FAM167B: variants seen among roughly 807,000 people sequenced by gnomAD.
FAM167B encodes family with sequence similarity 167 member B.
In FAM167B, 7 loss-of-function variants were observed where a neutral mutation model predicts 15.4. The observed-to-expected ratio is 0.46, with a 90% confidence interval of 0.26 to 0.86. FAM167B has a LOEUF of 0.86. Ranked by LOEUF, FAM167B falls within the 40% of genes least tolerant of loss-of-function variation. FAM167B has a pLI of 0.17. For synonymous variants in FAM167B, 100 were observed against 94.6 expected, an observed-to-expected ratio of 1.06 and a Z score of -0.33; for missense variants, 207 against 208.3, an observed-to-expected ratio of 0.99 and a Z score of 0.04.
In FAM167B at chr1:32,248,475, G is replaced by T; in HGVS notation, c.366G>T (p.Glu122Asp). The T allele has an allele frequency of 6.2e-7, 1 of 1,603,358 alleles. No individual in the cohort carries two copies. The highest frequency in any genetic ancestry group is 2.2e-5 in the East Asian group (1 of 44,478). Residue 122 changes from glutamate to aspartate, a missense_variant, in exon 2 of 2, where the codon GAG becomes GAT. Coordinates refer to ENST00000373582, the MANE Select transcript of FAM167B (RefSeq NM_032648.3). ...KMDQACHLHQ[E>D]LLDEAELELE... ...ACCAAGCCTGTCACCTGCACCAGGA[G>T]CTGCTGGATGAGGCCGAGCTGGAGC...
In FAM167B at chr1:32,248,580, C is replaced by A; in HGVS notation, c.471C>A (p.Ala157=). The A allele has an allele frequency of 6.5e-7, 1 of 1,542,880 alleles. No homozygotes were observed. Among genetic ancestry groups the A allele is most frequent in the South Asian group, 1.2e-5 (1 of 83,962 alleles). ...GCCTCACGCGCATGAACATCAGCGC[C>A]CGGCGCTTCACCCTCTGCTGAGGAA... is the stretch of plus-strand genomic sequence containing the variant. ...HLGLTRMNIS[A]RRFTLC The change falls in exon 2 of 2, where the codon GCC becomes GCA. Residue 157 remains alanine, a synonymous_variant. Transcript: ENST00000373582.
At position 32,247,380 on chromosome 1, in the gene FAM167B, T is replaced by C. The variant is rs1639421062; in HGVS notation, c.-42T>C. Reference sequence around the variant, plus strand: ...CAATACTGCCAGCCTTTCCCTAATCTCAGAGCTGCAGCCCTGCCCTGTCAC... The same window carrying C: ...CAATACTGCCAGCCTTTCCCTAATCCCAGAGCTGCAGCCCTGCCCTGTCAC... On this transcript the variant is annotated 5_prime_UTR_variant, in exon 1 of 2. Transcript: ENST00000373582. The C allele has an allele frequency of 1.4e-6, 2 of 1,467,650 alleles. No individual in the cohort carries two copies. The highest frequency in any genetic ancestry group is 2.5e-5 in the Admixed American group (1 of 40,152). The allele number at this position is 1,467,650 out of a possible 1,614,324, so 90.9% of individuals were successfully genotyped here. A position where few individuals can be genotyped will look rare whatever the true frequency, so the allele number is the denominator to read the frequency against.
chr1:32,247,688 T>C lies in FAM167B; in HGVS notation c.261+6T>C, dbSNP rs1639427412. On this transcript the variant is annotated splice_donor_region_variant and intron_variant, in intron 1 of 1. Coordinates refer to ENST00000373582, the MANE Select transcript of FAM167B (RefSeq NM_032648.3). ...AGTGGCTCCGACGGGAGCTGGTGAG[T>C]CTGGTGGGGTGGGCAGCTTTGCCCA... 1 of 1,457,552 alleles carries C rather than the reference T, an allele frequency of 6.9e-7. No homozygotes were observed. Among genetic ancestry groups the C allele is most frequent in the Non-Finnish European group, 9.1e-7 (1 of 1,101,814 alleles). The allele number at this position is 1,457,552 out of a possible 1,614,324, so 90.3% of individuals were successfully genotyped here.
chr1:32,248,835 T>TA lies in FAM167B; in HGVS notation c.*237dup. 1 of 574,106 alleles carries TA rather than the reference T, an allele frequency of 1.7e-6. No individual in the cohort carries two copies. The highest frequency in any genetic ancestry group is 3.1e-6 in the Non-Finnish European group (1 of 324,522). The allele number at this position is 574,106 out of a possible 1,614,324, so 35.6% of individuals were successfully genotyped here. A position where few individuals can be genotyped will look rare whatever the true frequency, so the allele number is the denominator to read the frequency against. Reference sequence around the variant, plus strand: ...GAGCTCACACCCTCAAACTCCTCAATAAACGCTTTCTCTGGTTCCCATCAA... The same window carrying TA: ...GAGCTCACACCCTCAAACTCCTCAATAAAACGCTTTCTCTGGTTCCCATCAA... On this transcript the variant is annotated 3_prime_UTR_variant, in exon 2 of 2. Coordinates refer to ENST00000373582, the MANE Select transcript of FAM167B (RefSeq NM_032648.3).
chr1:32,248,039 T>A (rs749928637), intron 1 of FAM167B, among the ~76,000 whole-genome samples: 2 of 152,202 alleles, frequency 1.3e-5, no homozygotes, highest in African/African-American at 2.4e-5. Flanking sequence ...GCACTGGCCA[T>A]GCTGCAGGCA....
intron 1 of FAM167B, 37 bp from the exon 2 acceptor site, chr1:32,248,334 G>T (rs529379591): frequency 2.0e-6 from 3 of 1,507,602 alleles, no homozygotes; most frequent in East Asian, 2.4e-5. Context: ...GCGGCCGAGG[G>T]CCTGTCCAGT....
chr1:32,248,512 C>A lies in FAM167B; in HGVS notation c.403C>A (p.Pro135Thr), dbSNP rs1207288716. The change falls in exon 2 of 2, where the codon CCC becomes ACC. Residue 135 changes from proline to threonine, a missense_variant. Physicochemically the swap from Pro to Thr is conservative, Grantham distance 38. Transcript: ENST00000373582. ...DEAELELELEPGAGLALAPLL... is the reference protein window; with the variant it reads ...DEAELELELETGAGLALAPLL... ...GGCCGAGCTGGAGCTGGAGCTGGAGCCCGGGGCCGGCCTAGCCCTGGCCCC... is the reference window on the plus strand; with the variant it reads ...GGCCGAGCTGGAGCTGGAGCTGGAGACCGGGGCCGGCCTAGCCCTGGCCCC... 1 of 1,578,924 alleles carries A rather than the reference C, an allele frequency of 6.3e-7. No homozygotes were observed. Among genetic ancestry groups the A allele is most frequent in the South Asian group, 1.2e-5 (1 of 86,500 alleles).
Position 32,247,533 on chromosome 1 carries a change from A to T in FAM167B, c.112A>T (p.Thr38Ser). 3 of 1,607,282 alleles carry T rather than the reference A, an allele frequency of 1.9e-6. No individual in the cohort carries two copies. The highest frequency in any genetic ancestry group is 2.5e-6 in the Non-Finnish European group (3 of 1,176,734). Residue 38 changes from threonine (T) to serine (S), a missense_variant, in exon 1 of 2, where the codon ACT (threonine) becomes TCT (serine). Transcript: ENST00000373582. ...KALTAKLQLQ[T>S]RRPSYLEWTA... ...ACTGACAGCCAAGCTGCAGCTGCAG[A>T]CTCGGCGGCCCTCATATCTGGAGTG...
chr1:32,248,038 A>T (rs1326316207), intron 1 of FAM167B, among the ~76,000 whole-genome samples: 1 of 152,222 alleles, frequency 6.6e-6, no homozygotes, highest in East Asian at 1.9e-4. Context: ...GGCACTGGCC[A>T]TGCTGCAGGC....
chr1:32,247,223 TACTTGGCCTCAC>T lies in FAM167B; in HGVS notation c.-196_-185del. The T allele has an allele frequency of 2.0e-6, 1 of 509,364 alleles. No homozygotes were observed. Among genetic ancestry groups the T allele is most frequent in the Non-Finnish European group, 3.2e-6 (1 of 316,728 alleles). 31.6% of individuals were successfully genotyped at this position (509,364 alleles called of 1,614,324 possible). A position where few individuals can be genotyped will look rare whatever the true frequency, so the allele number is the denominator to read the frequency against. On this transcript the variant is annotated 5_prime_UTR_variant, in exon 1 of 2. Coordinates refer to ENST00000373582, the MANE Select transcript of FAM167B (RefSeq NM_032648.3). ...GTCCAGGAAAATTCCAGCCCTTGCA[TACTTGGCCTCAC>T]ACACCCATCTGCTCACTCACCCTGG... is the stretch of plus-strand genomic sequence containing the variant.
At position 32,248,573 on chromosome 1, in the gene FAM167B, T is replaced by A; in HGVS notation, c.464T>A (p.Ile155Asn). ...CACCTGGGCCTCACGCGCATGAACA[T>A]CAGCGCCCGGCGCTTCACCCTCTGC... The part of the protein sequence containing the change: ...LRHLGLTRMN[I>N]SARRFTLC Residue 155 changes from isoleucine to asparagine, a missense_variant, in exon 2 of 2, where the codon ATC becomes AAC. By Grantham distance (149) the Ile-to-Asn change is moderately radical (BLOSUM62 -3). Coordinates refer to ENST00000373582, the MANE Select transcript of FAM167B (RefSeq NM_032648.3). 6.5e-7 allele frequency: 1 copy of A among 1,544,994 alleles called. No individual in the cohort carries two copies.
Position 32,247,445 on chromosome 1 carries a change from C to T in FAM167B, c.24C>T (p.Phe8=), listed in dbSNP as rs1639421993. 6.4e-7 allele frequency: 1 copy of T among 1,563,054 alleles called. No homozygotes were observed. The highest frequency in any genetic ancestry group is 2.3e-5 in the East Asian group (1 of 42,774). Residue 8 remains phenylalanine (F), a synonymous_variant, in exon 1 of 2, where the codon TTC becomes TTT. Coordinates refer to ENST00000373582, the MANE Select transcript of FAM167B (RefSeq NM_032648.3). The part of the protein sequence containing the change: MSLGLLK[F]QAVGEEDEED... Reference sequence around the variant, plus strand: ...CCATGTCCCTGGGGCTACTGAAATTCCAGGCAGTGGGTGAAGAGGACGAGG... The same window carrying T: ...CCATGTCCCTGGGGCTACTGAAATTTCAGGCAGTGGGTGAAGAGGACGAGG...
rs762191458 is a variant in FAM167B, at chr1:32,248,490, C to CGAGCTGGAGCTG, written c.392_403dup (p.Leu131_Glu134dup). 3 of 1,595,808 alleles carry CGAGCTGGAGCTG rather than the reference C, an allele frequency of 1.9e-6. No individual in the cohort carries two copies. The highest frequency in any genetic ancestry group is 1.1e-5 in the South Asian group (1 of 88,182). ...TGCACCAGGAGCTGCTGGATGAGGC[C>CGAGCTGGAGCTG]GAGCTGGAGCTGGAGCTGGAGCCCG... is the stretch of plus-strand genomic sequence containing the variant. On this transcript the variant is annotated inframe_insertion, in exon 2 of 2. Transcript: ENST00000373582.
In FAM167B at chr1:32,248,283, A is replaced by G. The variant is rs888804256; in HGVS notation, c.262-88A>G. Reference sequence around the variant, plus strand: ...AGAGGGGGCTGGGGAGGACACAGTCAGTGCAAAGGCCCAGCGTTGCCAGGA... The same window carrying G: ...AGAGGGGGCTGGGGAGGACACAGTCGGTGCAAAGGCCCAGCGTTGCCAGGA... On this transcript the variant is annotated intron_variant, in intron 1 of 1. Transcript: ENST00000373582. 9 of 1,064,484 alleles carry G rather than the reference A, an allele frequency of 8.5e-6. No homozygotes were observed. In the African/African-American group the frequency reaches 1.3e-4, roughly 15 times the overall value. The allele number at this position is 1,064,484 out of a possible 1,614,324, so 65.9% of individuals were successfully genotyped here.
Position 32,248,538 on chromosome 1 carries a change from G to C in FAM167B, c.429G>C (p.Pro143=), listed in dbSNP as rs1639438782. ...LEPGAGLALA[P]LLRHLGLTRM... is the part of the protein sequence containing the mutation. ...CCGGGGCCGGCCTAGCCCTGGCCCCGCTGCTGCGGCACCTGGGCCTCACGC... is the reference window on the plus strand; with the variant it reads ...CCGGGGCCGGCCTAGCCCTGGCCCCCCTGCTGCGGCACCTGGGCCTCACGC... Residue 143 remains proline, a synonymous_variant, in exon 2 of 2, where the codon CCG becomes CCC. Coordinates refer to ENST00000373582, the MANE Select transcript of FAM167B (RefSeq NM_032648.3). 6.4e-7 allele frequency: 1 copy of C among 1,559,954 alleles called. No homozygotes were observed. Among genetic ancestry groups the C allele is most frequent in the African/African-American group, 1.4e-5 (1 of 73,944 alleles).
Position 32,247,587 on chromosome 1 carries a change from C to A in FAM167B, c.166C>A (p.Arg56Ser), listed in dbSNP as rs368986976. 5 of 1,574,496 alleles carry A rather than the reference C, an allele frequency of 3.2e-6. No individual in the cohort carries two copies. In the Middle Eastern group the frequency reaches 8.4e-4, roughly 266 times the overall value. Reference protein sequence around the residue: ...WTAQVQSQAWRRAQAKPGPGG... With the variant: ...WTAQVQSQAWSRAQAKPGPGG... ...AGCCCAGGTCCAGAGCCAGGCCTGG[C>A]GCAGGGCCCAAGCCAAACCTGGACC... The change falls in exon 1 of 2, where the codon CGC becomes AGC. Residue 56 changes from arginine (R) to serine (S), a missense_variant. Coordinates refer to ENST00000373582, the MANE Select transcript of FAM167B (RefSeq NM_032648.3).
In FAM167B at chr1:32,247,432, G is replaced by A. The variant is rs41264003; in HGVS notation, c.11G>A (p.Gly4Glu). ...CACCTCAAACCTGCCATGTCCCTGG[G>A]GCTACTGAAATTCCAGGCAGTGGGT... The part of the protein sequence containing the change: MSL[G>E]LLKFQAVGEE... The change falls in exon 1 of 2, where the codon GGG becomes GAG. Residue 4 changes from glycine to glutamate, a missense_variant. Gly to Glu is a moderately conservative substitution (Grantham distance 98). Coordinates refer to ENST00000373582, the MANE Select transcript of FAM167B (RefSeq NM_032648.3). 9.7e-4 allele frequency: 1,503 copies of A among 1,555,102 alleles called. 4 individuals carry two copies. The highest frequency in any genetic ancestry group is 1.5e-3 in the Admixed American group (78 of 53,310).
chr1:32,248,315 A>G, intron 1 of FAM167B, 56 bp from the exon 2 acceptor site: 1 of 1,443,298 alleles, frequency 6.9e-7, no homozygotes, highest in Non-Finnish European at 9.2e-7. Context: ...AGGAAGGGAG[A>G]AACGGCGCGC....
Position 32,247,538 on chromosome 1 carries a change from G to A in FAM167B, c.117G>A (p.Arg39=). Residue 39 remains arginine, a synonymous_variant, in exon 1 of 2, where the codon CGG becomes CGA. Transcript: ENST00000373582. The part of the protein sequence containing the change: ...ALTAKLQLQT[R]RPSYLEWTAQ... ...CAGCCAAGCTGCAGCTGCAGACTCG[G>A]CGGCCCTCATATCTGGAGTGGACAG... The A allele has an allele frequency of 6.2e-7, 1 of 1,607,464 alleles. No individual in the cohort carries two copies. The highest frequency in any genetic ancestry group is 8.5e-7 in the Non-Finnish European group (1 of 1,176,856).
Sources: gnomAD v4.1 joint callset for allele counts (sites outside exome capture counted in the v4.1 genomes callset) on GRCh38, gnomAD v4.1.1 for gene constraint, MANE v1.5 for transcripts, NCBI Gene and HGNC (gene_info 2026-07-23, HGNC 2026-07-21) for gene names.